The following N4BP2L1 variants were observed in gnomAD, a reference collection of about 807,000 sequenced individuals.
N4BP2L1 encodes NEDD4 binding protein 2 like 1, also known as NEDD4-binding protein 2-like 1.
A neutral mutation model predicts 21.2 loss-of-function variants in N4BP2L1; 12 were observed. The ratio of observed to expected loss-of-function variants is 0.57; its 90% CI spans 0.36 to 0.92. The LOEUF (loss-of-function observed/expected upper bound fraction) is 0.92. Among genes scored for constraint, N4BP2L1 ranks in the 40% least tolerant of loss-of-function variants. The pLI, the probability that N4BP2L1 is intolerant of heterozygous loss-of-function variation, is 0.01. For synonymous variants in N4BP2L1, 104 were observed against 112.8 expected (o/e 0.92, Z 0.49); for missense variants, 259 against 310.6 (o/e 0.83, Z 1.25).
At chr13:32,412,175 C>T (rs953601766) in intron 1 of N4BP2L1, among the ~76,000 whole-genome samples, 1 of 152,014 alleles carries the variant, frequency 6.6e-6, no homozygotes, top group African/African-American at 2.4e-5. Flanking sequence ...CTGAACTTCT[C>T]CCGCCACAAC....
At chr13:32,403,901 T>C in intron 4 of N4BP2L1, 1 of 490,062 alleles carries the variant, frequency 2.0e-6, no homozygotes. Flanking sequence ...TTAGTATTAT[T>C]TGAACATTTA....
At chr13:32,426,439 G>C (rs1196296592) in intron 1 of N4BP2L1, among the ~76,000 whole-genome samples, 1 of 152,104 alleles carries the variant, frequency 6.6e-6, no homozygotes, top group Non-Finnish European at 1.5e-5. Flanking sequence ...CAGCGAGCCA[G>C]AGAGGGTCTA....
intron 1 of N4BP2L1, among the ~76,000 whole-genome samples, chr13:32,418,861 C>T (rs566980061): frequency 1.3e-5 from 2 of 152,316 alleles, no homozygotes; most frequent in South Asian, 4.1e-4. Flanking sequence ...CCAATTTCTT[C>T]CATTTGGAAT....
At chr13:32,411,517 G>A (rs990295583) in intron 1 of N4BP2L1, 1 of 985,144 alleles carries the variant, frequency 1.0e-6, no homozygotes, top group African/African-American at 1.7e-5. Context: ...TTAAGTGGAA[G>A]CAATAAATAC....
In N4BP2L1 at chr13:32,403,150, C is replaced by A. The variant is rs762905525; in HGVS notation, c.524G>T (p.Arg175Leu). The change falls in exon 5 of 5, where the codon CGG becomes CTG. Residue 175 changes from arginine to leucine, a missense_variant. Around this residue, in one of 3 missense-constraint regions of N4BP2L1, gnomAD observed 108 missense variants for 107.8 expected, o/e 1.00. Coordinates refer to ENST00000380130, the MANE Select transcript of N4BP2L1 (RefSeq NM_052818.3). ...GTGAAAAGTAACATCGTGTTCATACCGTTCTTTCATTCGGTGGATTTTTTC... is the reference window on the plus strand; with the variant it reads ...GTGAAAAGTAACATCGTGTTCATACAGTTCTTTCATTCGGTGGATTTTTTC... ...SREKIHRMKE[R>L]YEHDVTFHSV... 11 of 1,611,036 alleles carry A rather than the reference C, an allele frequency of 6.8e-6. No homozygotes were observed. The highest frequency in any genetic ancestry group is 9.3e-6 in the Non-Finnish European group (11 of 1,178,740).
intron 1 of N4BP2L1, among the ~76,000 whole-genome samples, chr13:32,424,346 A>T (rs2074647734): frequency 6.6e-6 from 1 of 152,174 alleles, no homozygotes; most frequent in African/African-American, 2.4e-5. Flanking sequence ...AACCGTCTCC[A>T]TGTGGAGAAG....
At chr13:32,408,545 GAGA>G (rs2073662480) in intron 1 of N4BP2L1, among the ~76,000 whole-genome samples, 1 of 152,180 alleles carries the variant, frequency 6.6e-6, no homozygotes, top group African/African-American at 2.4e-5. Flanking sequence ...GAACTTCAAA[GAGA>G]AGATGTTTCC....
intron 4 of N4BP2L1, chr13:32,403,545 A>G (rs2073281382): frequency 2.4e-6 from 1 of 409,628 alleles, no homozygotes; most frequent in Non-Finnish European, 4.7e-6. Context: ...ATATCTATCT[A>G]CTTATGTTAA....
intron 1 of N4BP2L1, among the ~76,000 whole-genome samples, chr13:32,414,133 A>G (rs1284480518): frequency 6.6e-6 from 1 of 152,112 alleles, no homozygotes; most frequent in Non-Finnish European, 1.5e-5. Flanking sequence ...CCACCCGCCT[A>G]GGCCTCTCAA....
At chr13:32,415,264 A>AG (rs1356993867) in intron 1 of N4BP2L1, among the ~76,000 whole-genome samples, 1 of 152,202 alleles carries the variant, frequency 6.6e-6, no homozygotes, top group Non-Finnish European at 1.5e-5. Flanking sequence ...CAAAGAGGCA[A>AG]GGGGGCCCTG....
chr13:32,422,371 G>T (rs1433774132), intron 1 of N4BP2L1, among the ~76,000 whole-genome samples: 1 of 151,970 alleles, frequency 6.6e-6, no homozygotes, highest in Non-Finnish European at 1.5e-5. Flanking sequence ...TTAGAAATAG[G>T]AGAACACATC....
At chr13:32,419,560 C>G (rs991148265) in intron 1 of N4BP2L1, 12 of 268,236 alleles carry the variant, frequency 4.5e-5, no homozygotes, top group Non-Finnish European at 8.2e-5. Flanking sequence ...GCATAAGCCA[C>G]TGCGCCCGGC....
intron 1 of N4BP2L1, among the ~76,000 whole-genome samples, chr13:32,418,952 A>G (rs753464593): frequency 2.0e-5 from 3 of 152,208 alleles, no homozygotes; most frequent in Non-Finnish European, 2.9e-5. Flanking sequence ...GTTCATAAGC[A>G]GAAGGGACTT....
chr13:32,404,975 C>T (rs540217188), intron 3 of N4BP2L1, among the ~76,000 whole-genome samples: 1 of 152,206 alleles, frequency 6.6e-6, no homozygotes, highest in East Asian at 1.9e-4. Flanking sequence ...TCCAAATATT[C>T]TTTGCATTCA....
At chr13:32,420,226 C>T (rs1343068451) in intron 1 of N4BP2L1, 1 of 152,300 alleles carries the variant, frequency 6.6e-6, no homozygotes, top group Non-Finnish European at 1.5e-5. Flanking sequence ...CAGTGTGGTC[C>T]CACAGACTCT....
At chr13:32,412,445 G>A (rs766039010) in intron 1 of N4BP2L1, among the ~76,000 whole-genome samples, 7 of 151,808 alleles carry the variant, frequency 4.6e-5, no homozygotes, top group African/African-American at 9.7e-5. Context: ...TGGCCAACAC[G>A]GCAAAATCCC....
intron 1 of N4BP2L1, among the ~76,000 whole-genome samples, chr13:32,426,847 G>C (rs188609359): frequency 1.4e-3 from 215 of 152,238 alleles, no homozygotes; most frequent in African/African-American, 4.9e-3. Flanking sequence ...AAAAAAGTAA[G>C]CACAGTCACG....
chr13:32,428,222 C>T (rs544787019), upstream of N4BP2L1: 1 of 814,622 alleles, frequency 1.2e-6, no homozygotes, highest in African/African-American at 1.8e-5. Flanking sequence ...TCCTTTCCAC[C>T]CGCCGGAACC....
chr13:32,410,627 AT>A (rs2073807204), intron 1 of N4BP2L1, among the ~76,000 whole-genome samples: 1 of 152,206 alleles, frequency 6.6e-6, no homozygotes, highest in Non-Finnish European at 1.5e-5. Flanking sequence ...GATGCAAACA[AT>A]TATACAGACA....
Sources: allele counts gnomAD v4.1 joint callset (sites outside exome capture counted in the v4.1 genomes callset), GRCh38; gene constraint gnomAD v4.1.1; regional missense constraint gnomAD v4.1.1; transcripts MANE v1.5; gene names NCBI Gene and HGNC (gene_info 2026-07-23, HGNC 2026-07-21).